CFAP251: variants seen among roughly 807,000 people sequenced by gnomAD.
CFAP251 encodes cilia- and flagella-associated protein 251.
CFAP251 carries 93 observed loss-of-function variants against 126.7 expected under a neutral mutation model. The ratio of observed to expected loss-of-function variants is 0.73; its 90% CI spans 0.62 to 0.87. The LOEUF (loss-of-function observed/expected upper bound fraction) is 0.87, where lower values mean the gene tolerates loss of function less well. CFAP251 is among the 40% of genes least tolerant of loss of function. The probability of loss-of-function intolerance (pLI) is 0.00; values close to 1 mark genes in which losing one functional copy is unlikely to be tolerated. For synonymous variants in CFAP251, 503 were observed against 506.9 expected, an observed-to-expected ratio of 0.99 and a Z score of 0.10; for missense variants, 1,287 against 1,389.2, an observed-to-expected ratio of 0.93 and a Z score of 1.17.
At chr12:121,951,553 TG>T (rs1881525832) in intron 9 of CFAP251, 23 bp downstream of exon 9, 1 of 1,562,526 alleles carries the variant, frequency 6.4e-7, no homozygotes, top group East Asian at 2.3e-5. Flanking sequence ...ATTGCATTTT[TG>T]TCCATCAGAT....
chr12:121,954,331 A>T lies in CFAP251; in HGVS notation c.1532A>T (p.Asp511Val), dbSNP rs755995618. 1.9e-6 allele frequency: 3 copies of T among 1,603,652 alleles called. No homozygotes were observed. Among genetic ancestry groups the T allele is most frequent in the Non-Finnish European group, 2.6e-6 (3 of 1,174,916 alleles). ...KEGITVLTTI[D>V]SYIVTGDIKG... ...GGTATCACGGTACTTACCACAATTG[A>T]TAGGTAATTTTAACTTAATTAAAAG... is the stretch of plus-strand genomic sequence containing the variant. Residue 511 changes from aspartate (D) to valine (V), a missense_variant, in exon 10 of 22, where the codon GAT (aspartate) becomes GTT (valine). By Grantham distance (152) the Asp-to-Val change is radical. Coordinates refer to ENST00000288912, the MANE Select transcript of CFAP251 (RefSeq NM_144668.6).
At chr12:121,978,393 C>CAAAAAAAAAAAAAAAAAAAAAAAAAAAA (rs10642280) in intron 19 of CFAP251, among the ~76,000 whole-genome samples, 5 of 42,108 alleles carry the variant, frequency 1.2e-4, no homozygotes, top group Admixed American at 2.9e-4. Flanking sequence ...GACTCTGTCT[C>CAAAAAAAAAAAAAAAAAAAAAAAAAAAA]AAAAAAAAAA....
chr12:121,971,669 A>G, intron 17 of CFAP251: 1 of 702,068 alleles, frequency 1.4e-6, no homozygotes, highest in Admixed American at 2.0e-5. Flanking sequence ...GCTGGGATTC[A>G]CAGCCAGGGC....
intron 19 of CFAP251, among the ~76,000 whole-genome samples, chr12:121,987,569 G>T (rs1457413049): frequency 6.6e-6 from 1 of 151,972 alleles, no homozygotes; most frequent in African/African-American, 2.4e-5. Flanking sequence ...ACAAAAATTA[G>T]CCAGGCATGG....
intron 19 of CFAP251, 117 bp downstream of exon 19, chr12:121,975,802 C>A: frequency 8.8e-7 from 1 of 1,130,480 alleles, no homozygotes; most frequent in Non-Finnish European, 1.2e-6. Flanking sequence ...ATAAATGGAT[C>A]AGAAAGATGG....
chr12:121,999,429 G>A (rs978257457), intron 19 of CFAP251: 5 of 197,748 alleles, frequency 2.5e-5, no homozygotes, highest in Admixed American at 1.7e-4. Context: ...AGGCTGGAGT[G>A]CAGTGGCACG....
chr12:121,925,743 C>A (rs889548978), intron 3 of CFAP251, among the ~76,000 whole-genome samples: 1 of 152,250 alleles, frequency 6.6e-6, no homozygotes, highest in Admixed American at 6.5e-5. Flanking sequence ...GCCACTCCCC[C>A]AAGTTTTGGG....
chr12:121,931,296 G>A (rs889380702), intron 3 of CFAP251, among the ~76,000 whole-genome samples: 18 of 151,906 alleles, frequency 1.2e-4, no homozygotes, highest in Admixed American at 2.6e-4. Flanking sequence ...TTTAAATTGT[G>A]GTAAAATACA....
At chr12:121,969,560 A>G (rs553656660) in intron 17 of CFAP251, 15 of 910,252 alleles carry the variant, frequency 1.6e-5, no homozygotes, top group African/African-American at 3.6e-5. Flanking sequence ...ATCATGGCTC[A>G]CTGCAGCCTC....
At chr12:121,978,393 C>CAAAAAAAAAAAAAAA (rs10642280) in intron 19 of CFAP251, among the ~76,000 whole-genome samples, 1,600 of 42,058 alleles carry the variant, frequency 0.038, 181 homozygotes, top group Non-Finnish European at 0.051. Flanking sequence ...GACTCTGTCT[C>CAAAAAAAAAAAAAAA]AAAAAAAAAA....
chr12:121,937,537 T>C (rs1002867748), intron 5 of CFAP251, among the ~76,000 whole-genome samples: 2 of 152,162 alleles, frequency 1.3e-5, no homozygotes, highest in African/African-American at 4.8e-5. Context: ...CAGGCCATGA[T>C]AGAGGATCCT....
At chr12:121,993,889 G>A (rs1428640005) in intron 19 of CFAP251, among the ~76,000 whole-genome samples, 1 of 120,168 alleles carries the variant, frequency 8.3e-6, no homozygotes, top group African/African-American at 3.2e-5. Flanking sequence ...CCGTCCGGGA[G>A]GTGAGGGGCG....
chr12:121,958,782 G>T (rs191538025), intron 12 of CFAP251, among the ~76,000 whole-genome samples, 161 bp from the exon 13 acceptor site: 4 of 152,354 alleles, frequency 2.6e-5, no homozygotes, highest in Non-Finnish European at 4.4e-5. Flanking sequence ...GTCTCTGCGC[G>T]CTCACCCCAG....
chr12:121,921,183 G>A (rs1747663625), intron 1 of CFAP251, 103 bp from the exon 2 acceptor site: 3 of 1,284,840 alleles, frequency 2.3e-6, no homozygotes, highest in Non-Finnish European at 3.2e-6. Flanking sequence ...CTATGGAAAG[G>A]GAACAGAGCC....
intron 12 of CFAP251, among the ~76,000 whole-genome samples, 193 bp from the exon 13 acceptor site, chr12:121,958,750 G>A (rs1204919155): frequency 3.3e-5 from 5 of 152,182 alleles, no homozygotes; most frequent in Non-Finnish European, 5.9e-5. Flanking sequence ...GGGCTCCCGC[G>A]GTGTCCTGGG....
rs938363242 is a variant in CFAP251, at chr12:121,957,694, ACT to A, written c.1730+429_1730+430del. On this transcript the variant is annotated intron_variant, in intron 11 of 21. Transcript: ENST00000288912. ...ACTCCAGCCTGGGCGACAGAGCGAG[ACT>A]CTGTCTCAAAAAAAAAAAAAAAAAA... is the stretch of plus-strand genomic sequence containing the variant. Among the ~76,000 whole-genome samples, 7 of 109,664 alleles carry A rather than the reference ACT, an allele frequency of 6.4e-5. No homozygotes were observed. The East Asian group carries it at 1.5e-3, about 23-fold the overall frequency. The allele number at this position is 109,664 out of a possible 152,430, so 71.9% of individuals were successfully genotyped here. A position where few individuals can be genotyped will look rare whatever the true frequency, so the allele number is the denominator to read the frequency against.
intron 15 of CFAP251, among the ~76,000 whole-genome samples, chr12:121,965,338 G>A (rs112691427): frequency 2.0e-5 from 3 of 152,290 alleles, no homozygotes; most frequent in African/African-American, 7.2e-5. Context: ...CCGCTTCTGG[G>A]GGCGGGTGTG....
At chr12:121,926,901 G>A (rs1463541005) in intron 3 of CFAP251, among the ~76,000 whole-genome samples, 1 of 152,160 alleles carries the variant, frequency 6.6e-6, no homozygotes, top group African/African-American at 2.4e-5. Flanking sequence ...CCAAGATTGC[G>A]CCATTGCACT....
intron 19 of CFAP251, among the ~76,000 whole-genome samples, chr12:121,986,463 A>G (rs1270699727): frequency 6.7e-6 from 1 of 148,322 alleles, no homozygotes; most frequent in African/African-American, 2.5e-5. Context: ...ACGCCTGGCT[A>G]ATTTTTTTTT....
Sources: gnomAD v4.1 joint callset for allele counts (sites outside exome capture counted in the v4.1 genomes callset) on GRCh38, gnomAD v4.1.1 for gene constraint, MANE v1.5 for transcripts, NCBI Gene and HGNC (gene_info 2026-07-23, HGNC 2026-07-21) for gene names.